Variants in TMEM220 observed in about 807,000 individuals in gnomAD.
TMEM220 encodes transmembrane protein 220.
Under a neutral mutation model 21.7 loss-of-function variants are expected in TMEM220, and 21 were observed. The observed-to-expected ratio is 0.97, with a 90% CI of 0.69 to 1.39. TMEM220 has a LOEUF of 1.39. Ranked by LOEUF, TMEM220 falls within the 40% of genes most tolerant of loss-of-function variation. TMEM220 has a pLI of 0.00. For missense variants in TMEM220, 191 were observed against 201.9 expected, an observed-to-expected ratio of 0.95 and a Z score of 0.33; for synonymous variants, 80 against 73.6, an observed-to-expected ratio of 1.09 and a Z score of -0.45.
intron 5 of TMEM220, among the ~76,000 whole-genome samples, chr17:10,720,548 A>C (rs1567585794): frequency 6.6e-6 from 1 of 152,216 alleles, no homozygotes; most frequent in African/African-American, 2.4e-5. Flanking sequence ...CCCATAGGGA[A>C]AGGGAAGCTA....
At chr17:10,723,460 C>T (rs1014140021) in intron 4 of TMEM220, 131 bp from the exon 5 acceptor site, 24 of 696,880 alleles carry the variant, frequency 3.4e-5, no homozygotes, top group Admixed American at 3.4e-4. Flanking sequence ...TCTATGGCAT[C>T]GATGGAATAT....
intron 5 of TMEM220, among the ~76,000 whole-genome samples, chr17:10,719,369 C>T (rs555118026): frequency 7.2e-4 from 109 of 152,186 alleles, no homozygotes; most frequent in Middle Eastern, 3.4e-3. Context: ...CTCCACCTCC[C>T]GGTTTCTCCT....
chr17:10,717,146 A>G (rs996293595), intron 5 of TMEM220, among the ~76,000 whole-genome samples: 5 of 152,172 alleles, frequency 3.3e-5, no homozygotes, highest in Non-Finnish European at 5.9e-5. Context: ...TTCTTGTCCA[A>G]TCATTGGGCA....
intron 5 of TMEM220, among the ~76,000 whole-genome samples, chr17:10,722,624 T>C (rs1221938140): frequency 6.6e-6 from 1 of 152,238 alleles, no homozygotes; most frequent in African/African-American, 2.4e-5. Context: ...CCAGCTTTTA[T>C]GCCACTGTTG....
Position 10,729,018 on chromosome 17 carries a change from G to C in TMEM220, c.102+13C>G, listed in dbSNP as rs373429827. The stretch of plus-strand genomic sequence containing the variant: ...TCCAAACGGAGGAAAGCCTGGAAGC[G>C]GCTCATACTCACCACCCACACCTCT... On this transcript the variant is annotated intron_variant, in intron 2 of 5. Coordinates refer to ENST00000341871, the MANE Select transcript of TMEM220 (RefSeq NM_001004313.3). The C allele has an allele frequency of 6.2e-7, 1 of 1,614,094 alleles. No individual in the cohort carries two copies. Among genetic ancestry groups the C allele is most frequent in the African/African-American group, 1.3e-5 (1 of 75,030 alleles).
rs1402763445 is a variant in TMEM220, at chr17:10,714,953, T to C, written c.*500A>G. 6.5e-6 allele frequency: 1 copy of C among 153,062 alleles called. No individual in the cohort carries two copies. Among genetic ancestry groups the C allele is most frequent in the African/African-American group, 2.4e-5 (1 of 41,362 alleles). 9.5% of individuals were successfully genotyped at this position (153,062 alleles called of 1,614,324 possible). Reference sequence around the variant, plus strand: ...AAAAAGATCGGGGTATAGCCCTCTCTTGAATGTCTATTTCAGTATATTACC... The same window carrying C: ...AAAAAGATCGGGGTATAGCCCTCTCCTGAATGTCTATTTCAGTATATTACC... On this transcript the variant is annotated 3_prime_UTR_variant, in exon 6 of 6. Coordinates refer to ENST00000341871, the MANE Select transcript of TMEM220 (RefSeq NM_001004313.3).
chr17:10,720,684 G>T (rs888736557), intron 5 of TMEM220, among the ~76,000 whole-genome samples: 1 of 152,058 alleles, frequency 6.6e-6, no homozygotes, highest in Non-Finnish European at 1.5e-5. Context: ...AATACAATTA[G>T]CCCTAGAAAT....
downstream of TMEM220, among the ~76,000 whole-genome samples, chr17:10,711,775 C>T (rs1400399145): frequency 6.6e-6 from 1 of 152,192 alleles, no homozygotes; most frequent in Non-Finnish European, 1.5e-5. Flanking sequence ...CTGTGTGAAG[C>T]TACAGCAGGT....
chr17:10,724,198 A>G (rs1323342714), intron 4 of TMEM220, among the ~76,000 whole-genome samples: 1 of 152,218 alleles, frequency 6.6e-6, no homozygotes, highest in Non-Finnish European at 1.5e-5. Context: ...GGGAGGAAGC[A>G]AAGGAAGAGG....
At chr17:10,721,406 T>C (rs2074986524) in intron 5 of TMEM220, among the ~76,000 whole-genome samples, 1 of 151,982 alleles carries the variant, frequency 6.6e-6, no homozygotes, top group Admixed American at 6.6e-5. Context: ...GTCAGGAGTT[T>C]GAGACCATCC....
In TMEM220 at chr17:10,715,530, ATG is replaced by A; in HGVS notation, c.404_405del (p.Pro135LeufsTer10). 2 of 1,606,246 alleles carry A rather than the reference ATG, an allele frequency of 1.2e-6. No homozygotes were observed. The highest frequency in any genetic ancestry group is 1.7e-6 in the Non-Finnish European group (2 of 1,178,268). The stretch of plus-strand genomic sequence containing the variant: ...ATATATATGTAGACCCATGAGATAA[ATG>A]GGAAAAGTGTGATTACAATGGCAAT... ...LAIAIVITLF[P>X]FISWVYIYIN... On this transcript the variant is annotated frameshift_variant, in exon 6 of 6. Transcript: ENST00000341871. LOFTEE classifies it high-confidence loss of function.
downstream of TMEM220, among the ~76,000 whole-genome samples, chr17:10,712,342 C>G (rs2074859799): frequency 6.6e-6 from 1 of 152,156 alleles, no homozygotes; most frequent in Non-Finnish European, 1.5e-5. Flanking sequence ...CATTCAGGGC[C>G]CAACCAGATA....
At chr17:10,712,095 C>G (rs747127590), downstream of TMEM220, among the ~76,000 whole-genome samples, 2 of 152,188 alleles carry the variant, frequency 1.3e-5, no homozygotes, top group African/African-American at 4.8e-5. Flanking sequence ...GAAATCATTT[C>G]CACTTGGCTG....
chr17:10,725,917 G>A (rs1597532603), intron 3 of TMEM220, among the ~76,000 whole-genome samples: 1 of 152,150 alleles, frequency 6.6e-6, no homozygotes, highest in Non-Finnish European at 1.5e-5. Flanking sequence ...TTTATTCTAA[G>A]GCCCCTGAGA....
intron 2 of TMEM220, among the ~76,000 whole-genome samples, chr17:10,726,536 G>T (rs1200472437): frequency 6.6e-6 from 1 of 152,140 alleles, no homozygotes; most frequent in Non-Finnish European, 1.5e-5. Context: ...ACAGGGTTTT[G>T]GTCTTAAGAC....
rs1052006713 is a variant in TMEM220, at chr17:10,723,385, C to T, written c.288-56G>A. ...AAGTGGCTACAAGTGAGATGCATATCATCACATTCTCTCCATGACCACCTG... is the reference window on the plus strand; with the variant it reads ...AAGTGGCTACAAGTGAGATGCATATTATCACATTCTCTCCATGACCACCTG... On this transcript the variant is annotated intron_variant, in intron 4 of 5. Coordinates refer to ENST00000341871, the MANE Select transcript of TMEM220 (RefSeq NM_001004313.3). 1.1e-5 allele frequency: 15 copies of T among 1,337,986 alleles called. No individual in the cohort carries two copies. The Admixed American group carries it at 2.3e-4, about 21-fold the overall frequency. The allele number at this position is 1,337,986 out of a possible 1,614,324, so 82.9% of individuals were successfully genotyped here.
intron 4 of TMEM220, 39 bp from the exon 5 acceptor site, chr17:10,723,368 A>C: frequency 6.5e-7 from 1 of 1,530,726 alleles, no homozygotes; most frequent in South Asian, 1.1e-5. Context: ...GGAAGTGGCT[A>C]CAAGTGAGAT....
In TMEM220 at chr17:10,714,214, A is replaced by G. The variant is rs902420521; in HGVS notation, c.*1239T>C. On this transcript the variant is annotated 3_prime_UTR_variant, in exon 6 of 6. Transcript: ENST00000341871. ...GTCTTTAAAATCCAGTGTATTTTACATTTATAGCCCCACTCATTTGGACAC... is the reference window on the plus strand; with the variant it reads ...GTCTTTAAAATCCAGTGTATTTTACGTTTATAGCCCCACTCATTTGGACAC... The G allele has an allele frequency of 6.6e-6, 1 of 152,150 alleles. No homozygotes were observed. Among genetic ancestry groups the G allele is most frequent in the African/African-American group, 2.4e-5 (1 of 41,436 alleles). 9.4% of individuals were successfully genotyped at this position (152,150 alleles called of 1,614,324 possible). A position where few individuals can be genotyped will look rare whatever the true frequency, so the allele number is the denominator to read the frequency against.
At chr17:10,726,152 T>A in intron 3 of TMEM220, 52 bp downstream of exon 3, 1 of 1,492,770 alleles carries the variant, frequency 6.7e-7, no homozygotes, top group East Asian at 2.3e-5. Context: ...ACCCTCATTA[T>A]TATGAGGAAA....
Sources: allele counts gnomAD v4.1 joint callset (sites outside exome capture counted in the v4.1 genomes callset), GRCh38; gene constraint gnomAD v4.1.1; transcripts MANE v1.5; gene names NCBI Gene and HGNC (gene_info 2026-07-23, HGNC 2026-07-21).